The following ERI1 variants were observed in gnomAD, a reference collection of about 807,000 sequenced individuals.
ERI1 encodes the protein 3'-5' exoribonuclease 1.
In ERI1, 39 loss-of-function variants were observed where a neutral mutation model predicts 39.7. That is an observed-to-expected ratio of 0.98 (90% CI 0.76 to 1.28). The LOEUF (loss-of-function observed/expected upper bound fraction) is 1.28. Ranked by LOEUF, ERI1 falls within the 50% of genes most tolerant of loss-of-function variation. The pLI, the probability that ERI1 is intolerant of heterozygous loss-of-function variation, is 0.00. For missense variants in ERI1, 581 were observed against 416.9 expected (o/e 1.39, Z -3.43); for synonymous variants, 204 against 149.6 (o/e 1.36, Z -2.65).
intron 6 of ERI1, among the ~76,000 whole-genome samples, chr8:9,021,703 A>G (rs1330534148): frequency 6.7e-6 from 1 of 149,070 alleles, no homozygotes; most frequent in East Asian, 2.0e-4. Context: ...ATATCCTTAT[A>G]TTATATAGTT....
intron 3 of ERI1, among the ~76,000 whole-genome samples, chr8:9,090,253 G>A (rs536469787): frequency 7.9e-5 from 12 of 152,204 alleles, no homozygotes; most frequent in African/African-American, 2.4e-4. Context: ...AGGAAGAGGG[G>A]CCGACAGAGA....
chr8:9,007,103 C>G (rs922499935), intron 1 of ERI1, among the ~76,000 whole-genome samples: 3 of 152,140 alleles, frequency 2.0e-5, no homozygotes, highest in African/African-American at 7.2e-5. Context: ...ATCTTTGGAA[C>G]TTAACATATT....
chr8:9,061,620 C>A (rs1329536969), intron 3 of ERI1, among the ~76,000 whole-genome samples: 1 of 152,202 alleles, frequency 6.6e-6, no homozygotes, highest in East Asian at 1.9e-4. Context: ...TGTAAGAATT[C>A]TGACCGCACT....
chr8:9,012,628 A>G (rs1321955436), intron 3 of ERI1, among the ~76,000 whole-genome samples: 6 of 152,224 alleles, frequency 3.9e-5, no homozygotes, highest in African/African-American at 1.2e-4. Flanking sequence ...ATGAAGGCAA[A>G]TAATCTTGCA....
chr8:9,085,237 C>G (rs776862743), intron 3 of ERI1, among the ~76,000 whole-genome samples: 1 of 152,098 alleles, frequency 6.6e-6, no homozygotes. Context: ...GAGACTGAGT[C>G]TTGCTCTGTC....
At chr8:9,051,870 T>A (rs1299914017) in intron 3 of ERI1, among the ~76,000 whole-genome samples, 1 of 152,214 alleles carries the variant, frequency 6.6e-6, no homozygotes, top group Non-Finnish European at 1.5e-5. Flanking sequence ...GGACTATAAT[T>A]GCTTAAACTT....
At chr8:9,083,137 C>T (rs1442048535) in intron 3 of ERI1, among the ~76,000 whole-genome samples, 1 of 152,160 alleles carries the variant, frequency 6.6e-6, no homozygotes, top group Non-Finnish European at 1.5e-5. Flanking sequence ...CCAAACAGAG[C>T]TTTTATCGCT....
chr8:9,067,864 T>A (rs1007976116), intron 3 of ERI1, among the ~76,000 whole-genome samples: 1 of 152,030 alleles, frequency 6.6e-6, no homozygotes, highest in African/African-American at 2.4e-5. Flanking sequence ...CTCCTTTTCC[T>A]TCTTTCACAT....
chr8:9,097,383 C>A, intron 3 of ERI1, among the ~76,000 whole-genome samples: 1 of 152,130 alleles, frequency 6.6e-6, no homozygotes, highest in South Asian at 2.1e-4. Flanking sequence ...TCATTTAGGG[C>A]CAGGTGCGGT....
chr8:9,045,754 G>A (rs1464684681), intron 3 of ERI1, among the ~76,000 whole-genome samples: 3 of 147,834 alleles, frequency 2.0e-5, no homozygotes, highest in African/African-American at 7.5e-5. Context: ...TCGGCTCACT[G>A]CGACCTCCAC....
intron 3 of ERI1, among the ~76,000 whole-genome samples, chr8:9,050,243 C>T (rs1374435032): frequency 1.3e-5 from 2 of 152,096 alleles, no homozygotes; most frequent in Admixed American, 6.5e-5. Flanking sequence ...CGCAGTGCCT[C>T]ACACCTATAA....
intron 4 of ERI1, among the ~76,000 whole-genome samples, chr8:9,017,570 C>G (rs916538809): frequency 4.6e-5 from 7 of 152,124 alleles, no homozygotes; most frequent in Non-Finnish European, 4.4e-5. Flanking sequence ...ATGAAAAGGG[C>G]TTCCATATAT....
In ERI1 at chr8:9,030,294, A is replaced by G; in HGVS notation, c.*260A>G. 2.2e-6 allele frequency: 1 copy of G among 447,442 alleles called. No homozygotes were observed. The highest frequency in any genetic ancestry group is 3.4e-5 in the South Asian group (1 of 29,598). 27.7% of individuals were successfully genotyped at this position (447,442 alleles called of 1,614,324 possible). On this transcript the variant is annotated 3_prime_UTR_variant, in exon 7 of 7. Coordinates refer to ENST00000250263, the MANE Select transcript of ERI1 (RefSeq NM_153332.4). Reference sequence around the variant, plus strand: ...TGCTTACAACTGAATTTTATAATTTAAGGTGTTCAAGATATATTCTTTTTG... The same window carrying G: ...TGCTTACAACTGAATTTTATAATTTGAGGTGTTCAAGATATATTCTTTTTG...
intron 3 of ERI1, among the ~76,000 whole-genome samples, chr8:9,040,774 T>C (rs1001352588): frequency 1.3e-5 from 2 of 152,088 alleles, no homozygotes; most frequent in African/African-American, 2.4e-5. Flanking sequence ...GGTTCTTGTT[T>C]AGGACTTCCT....
rs531490552 is a variant in ERI1, at chr8:9,008,005, A to G, written c.144A>G (p.Thr48=). 33 of 1,606,140 alleles carry G rather than the reference A, an allele frequency of 2.1e-5. No individual in the cohort carries two copies. In the East Asian group the frequency reaches 2.5e-4, roughly 12 times the overall value. The change falls in exon 2 of 7, where the codon ACA becomes ACG. Residue 48 remains threonine, a synonymous_variant. Coordinates refer to ENST00000250263, the MANE Select transcript of ERI1 (RefSeq NM_153332.4). ...TQQCKFDGQE[T]KGSKFITSSA... is the part of the protein sequence containing the mutation. Reference sequence around the variant, plus strand: ...AGTGTAAATTTGATGGCCAGGAGACAAAAGGATCCAAGTTCATTACCTCCA... The same window carrying G: ...AGTGTAAATTTGATGGCCAGGAGACGAAAGGATCCAAGTTCATTACCTCCA...
At chr8:9,091,900 T>G (rs1249270308) in intron 3 of ERI1, among the ~76,000 whole-genome samples, 4 of 118,570 alleles carry the variant, frequency 3.4e-5, no homozygotes, top group Non-Finnish European at 8.8e-5. Flanking sequence ...ACAAAATTGT[T>G]AATTTGTGGA....
At chr8:9,022,476 C>G (rs577047179) in intron 6 of ERI1, among the ~76,000 whole-genome samples, 6 of 152,268 alleles carry the variant, frequency 3.9e-5, no homozygotes, top group Non-Finnish European at 7.4e-5. Flanking sequence ...TCTTGGCTCA[C>G]TGCAACCCTG....
rs1029595863 is a variant in ERI1, at chr8:9,030,243, A to G, written c.*209A>G. The G allele has an allele frequency of 3.4e-6, 2 of 594,324 alleles. No individual in the cohort carries two copies. The highest frequency in any genetic ancestry group is 2.3e-5 in the South Asian group (1 of 44,306). The allele number at this position is 594,324 out of a possible 1,614,324, so 36.8% of individuals were successfully genotyped here. On this transcript the variant is annotated 3_prime_UTR_variant, in exon 7 of 7. Coordinates refer to ENST00000250263, the MANE Select transcript of ERI1 (RefSeq NM_153332.4). ...TGTCACCAGCACTTTTGATATGAACAGTATTCGTTACATAGTAACAGTTCC... is the reference window on the plus strand; with the variant it reads ...TGTCACCAGCACTTTTGATATGAACGGTATTCGTTACATAGTAACAGTTCC...
chr8:9,060,828 G>A (rs1798669665), intron 3 of ERI1, among the ~76,000 whole-genome samples: 1 of 152,174 alleles, frequency 6.6e-6, no homozygotes, highest in South Asian at 2.1e-4. Context: ...AACGGGATCT[G>A]ATGCGTTTTG....
Sources: allele counts gnomAD v4.1 joint callset (sites outside exome capture counted in the v4.1 genomes callset), GRCh38; gene constraint gnomAD v4.1.1; transcripts MANE v1.5; gene names NCBI Gene and HGNC (gene_info 2026-07-23, HGNC 2026-07-21).